Variants in SLC12A5 observed in about 807,000 individuals in gnomAD.
SLC12A5 encodes K-Cl cotransporter 2.
Under a neutral mutation model 124.0 loss-of-function variants are expected in SLC12A5, and 18 were observed. The observed-to-expected ratio is 0.15, with a 90% CI of 0.10 to 0.22. The LOEUF is 0.22. Ranked by LOEUF, SLC12A5 falls within the 10% of genes least tolerant of loss-of-function variation. SLC12A5 has a pLI of 1.00. For missense variants in SLC12A5, 867 were observed against 1,478.7 expected, an observed-to-expected ratio of 0.59 and a Z score of 6.78; for synonymous variants, 589 against 568.0, an observed-to-expected ratio of 1.04 and a Z score of -0.53.
At chr20:46,027,175 C>T (rs1304288397), upstream of SLC12A5, among the ~76,000 whole-genome samples, 1 of 152,144 alleles carries the variant, frequency 6.6e-6, no homozygotes, top group Non-Finnish European at 1.5e-5. Flanking sequence ...CTTCTTTTAA[C>T]CTCTGTCACC....
chr20:46,044,574 C>G (rs554346775), intron 11 of SLC12A5, among the ~76,000 whole-genome samples: 9 of 152,124 alleles, frequency 5.9e-5, no homozygotes, highest in Non-Finnish European at 1.3e-4. Context: ...GAAATGTGTG[C>G]GCATGCCTGC....
chr20:46,046,935 C>T (rs757690957), intron 14 of SLC12A5, among the ~76,000 whole-genome samples: 3 of 152,250 alleles, frequency 2.0e-5, no homozygotes, highest in Non-Finnish European at 4.4e-5. Flanking sequence ...TCTTCATCCT[C>T]ACAATAGGCC....
chr20:46,035,266 T>C, intron 2 of SLC12A5, 138 bp from the exon 3 acceptor site: 1 of 1,167,136 alleles, frequency 8.6e-7, no homozygotes, highest in South Asian at 1.4e-5. Context: ...TCTCCTCACC[T>C]GTTCCTCCTC....
At chr20:46,041,181 A>C in intron 7 of SLC12A5, 148 bp from the exon 8 acceptor site, 1 of 640,938 alleles carries the variant, frequency 1.6e-6, no homozygotes. Flanking sequence ...AAAAAAAGCC[A>C]ATGGCCAGGC....
rs745964787 is a variant in SLC12A5, at chr20:46,057,902, C to A, written c.*297C>A. 2.7e-5 allele frequency: 9 copies of A among 333,712 alleles called. No homozygotes were observed. The highest frequency in any genetic ancestry group is 4.4e-5 in the African/African-American group (2 of 45,946). The allele number at this position is 333,712 out of a possible 1,614,324, so 20.7% of individuals were successfully genotyped here. On this transcript the variant is annotated 3_prime_UTR_variant, in exon 26 of 26. Transcript: ENST00000243964. The surrounding 1 kb of genome is among the most constrained non-coding windows in gnomAD (Gnocchi z 7.1). The stretch of plus-strand genomic sequence containing the variant: ...CGCTGCAATAAAGGTTGGGAGAAGG[C>A]GCGGAAAGGAGAGGAGCTGGGGCCT...
In SLC12A5 at chr20:46,037,483, C is replaced by T. The variant is rs1275474751; in HGVS notation, c.612+98C>T. On this transcript the variant is annotated intron_variant, in intron 6 of 25. Transcript: ENST00000243964. ...CTATAGGCCAGGCCATTCAGTGAGG[C>T]CAAAAATGTGGTTCAGTAAGGCCAA... 2.0e-5 allele frequency: 27 copies of T among 1,351,788 alleles called. No individual in the cohort carries two copies. The East Asian group carries it at 6.9e-4, about 34-fold the overall frequency. 83.7% of individuals were successfully genotyped at this position (1,351,788 alleles called of 1,614,324 possible).
At chr20:46,044,548 G>T (rs555882457) in intron 11 of SLC12A5, among the ~76,000 whole-genome samples, 204 of 152,308 alleles carry the variant, frequency 1.3e-3, no homozygotes, top group Non-Finnish European at 1.7e-3. Context: ...GCAATGGGGA[G>T]CCAGGGTGGA....
chr20:46,057,730 G>A lies in SLC12A5; in HGVS notation c.*125G>A. The A allele has an allele frequency of 1.4e-6, 1 of 725,718 alleles. No individual in the cohort carries two copies. The highest frequency in any genetic ancestry group is 2.2e-6 in the Non-Finnish European group (1 of 459,284). The allele number at this position is 725,718 out of a possible 1,614,324, so 45.0% of individuals were successfully genotyped here. On this transcript the variant is annotated 3_prime_UTR_variant, in exon 26 of 26. Transcript: ENST00000243964. This position sits in a 1 kb window ranked among gnomAD's most constrained non-coding sequence, Gnocchi z 7.1. ...TGCCCGTGTCCTGGCCCCTTACCCC[G>A]CTGCCTGAAGCCCGGAGGCCACGCC... is the stretch of plus-strand genomic sequence containing the variant.
Position 46,048,691 on chromosome 20 carries a change from C to T in SLC12A5, c.2012+606C>T, listed in dbSNP as rs942938023. On this transcript the variant is annotated intron_variant, in intron 16 of 25. Transcript: ENST00000243964. ...TTTGAGACAAGCCTGGACAACATGGCGAGACCCCATCTGTGCTAAAAATAC... is the reference window on the plus strand; with the variant it reads ...TTTGAGACAAGCCTGGACAACATGGTGAGACCCCATCTGTGCTAAAAATAC... Among the ~76,000 whole-genome samples the T allele has an allele frequency of 5.9e-5, 9 of 151,928 alleles. No homozygotes were observed. The East Asian group carries it at 1.4e-3, about 23-fold the overall frequency.
intron 3 of SLC12A5, 57 bp downstream of exon 3, chr20:46,035,592 G>A: frequency 3.3e-6 from 5 of 1,513,958 alleles, no homozygotes; most frequent in Non-Finnish European, 4.5e-6. Flanking sequence ...GGGTGGGGGA[G>A]GATGGGGGAG....
chr20:46,034,898 T>C (rs889949397), intron 1 of SLC12A5, 50 bp from the exon 2 acceptor site: 1 of 1,571,814 alleles, frequency 6.4e-7, no homozygotes, highest in Non-Finnish European at 8.8e-7. Context: ...GCCCAGGTGG[T>C]TGGACAACAA....
Position 46,051,870 on chromosome 20 carries a change from G to T in SLC12A5, c.2377G>T (p.Glu793Ter). Residue 793 changes from glutamate (E) to a stop codon, truncating the protein, a stop_gained and splice_region_variant, in exon 18 of 26, where the codon GAG becomes TAG. Transcript: ENST00000243964. LOFTEE classifies it high-confidence loss of function. ...TCATCAGACGTGGAGGAACTTCATT[G>T]GTAACGCTATTGGGGGCTGGGGACA... ...EDHQTWRNFI[E>*]LVRETTAGHL... The T allele has an allele frequency of 6.4e-7, 1 of 1,554,160 alleles. No individual in the cohort carries two copies.
Position 46,049,657 on chromosome 20 carries a change from A to T in SLC12A5, c.2048A>T (p.Asp683Val), listed in dbSNP as rs1475779092. Residue 683 changes from aspartate (D) to valine (V), a missense_variant, in exon 17 of 26, where the codon GAC (aspartate) becomes GTC (valine). Coordinates refer to ENST00000243964, the MANE Select transcript of SLC12A5 (RefSeq NM_020708.5). ...QLLVLVRVDQ[D>V]QNVVHPQLLS... ...CTGGTGCTGGTGCGTGTGGACCAAG[A>T]CCAGAATGTGGTGCACCCCCAGCTG... 1.2e-6 allele frequency: 2 copies of T among 1,606,624 alleles called. No homozygotes were observed. Among genetic ancestry groups the T allele is most frequent in the African/African-American group, 1.3e-5 (1 of 74,938 alleles).
chr20:46,028,263 G>A (rs1031341956), upstream of SLC12A5, among the ~76,000 whole-genome samples: 1 of 152,120 alleles, frequency 6.6e-6, no homozygotes, highest in Non-Finnish European at 1.5e-5. Context: ...ACCGACAGGC[G>A]GCCTCATTCC....
intron 13 of SLC12A5, 80 bp downstream of exon 13, chr20:46,046,076 C>G (rs183667788): frequency 7.5e-7 from 1 of 1,333,124 alleles, no homozygotes; most frequent in Non-Finnish European, 1.1e-6. Context: ...CCTGTGACAA[C>G]CCACCCAGAC....
intron 20 of SLC12A5, 31 bp from the exon 21 acceptor site, chr20:46,054,885 C>A (rs1458004008): frequency 3.3e-6 from 5 of 1,532,114 alleles, no homozygotes; most frequent in East Asian, 2.3e-5. Context: ...CCTCTCCCCA[C>A]CCCCCAACCC....
chr20:46,026,487 A>G (rs1250545089), upstream of SLC12A5, among the ~76,000 whole-genome samples: 1 of 152,034 alleles, frequency 6.6e-6, no homozygotes, highest in Non-Finnish European at 1.5e-5. Flanking sequence ...CTCACCACAG[A>G]GAGTTGGCTG....
At chr20:46,021,786 C>G, upstream of SLC12A5, 1 of 1,533,380 alleles carries the variant, frequency 6.5e-7, no homozygotes, top group Non-Finnish European at 8.7e-7. Flanking sequence ...GGTTCACGGT[C>G]ACCTCGCTGC....
chr20:46,029,057 T>A (rs950024977), upstream of SLC12A5: 2 of 1,164,462 alleles, frequency 1.7e-6, no homozygotes, highest in Non-Finnish European at 2.2e-6. Context: ...GCCCCTCATC[T>A]TCTCTTCTCT....
Sources: gnomAD v4.1 joint callset for allele counts (sites outside exome capture counted in the v4.1 genomes callset) on GRCh38, gnomAD v4.1.1 for gene constraint, Gnocchi (gnomAD v3.1) non-coding constraint, MANE v1.5 for transcripts, NCBI Gene and HGNC (gene_info 2026-07-23, HGNC 2026-07-21) for gene names.